Variants in CDYL observed in about 807,000 individuals in gnomAD.
CDYL encodes the protein chromodomain Y like, also known as chromodomain Y-like protein.
Under a neutral mutation model 47.3 loss-of-function variants are expected in CDYL, and 8 were observed. The ratio of observed to expected loss-of-function variants is 0.17; its 90% CI spans 0.10 to 0.31. CDYL has a LOEUF of 0.31. Ranked by LOEUF, CDYL falls within the 10% of genes least tolerant of loss-of-function variation. The pLI, the probability that CDYL is intolerant of heterozygous loss-of-function variation, is 1.00. For synonymous variants in CDYL, 266 were observed against 265.0 expected, an observed-to-expected ratio of 1.00 and a Z score of -0.04; for missense variants, 471 against 701.4, an observed-to-expected ratio of 0.67 and a Z score of 3.71.
In CDYL at chr6:4,926,824, A is replaced by T. The variant is rs75777319; in HGVS notation, c.692-8691A>T. 2.1e-5 allele frequency among the ~76,000 whole-genome samples: 3 copies of T among 143,292 alleles called. No individual in the cohort carries two copies. The East Asian group carries it at 6.2e-4, about 30-fold the overall frequency. 94.0% of individuals were successfully genotyped at this position (143,292 alleles called of 152,430 possible). On this transcript the variant is annotated intron_variant, in intron 2 of 6. Transcript: ENST00000397588. ...ACCCCTTCTGTTATCTTTCATTTTT[A>T]TTTTTTTCATGTATGATTTTGGGGA...
intron 2 of CDYL, among the ~76,000 whole-genome samples, chr6:4,718,796 A>C (rs1365472557): frequency 6.6e-6 from 1 of 152,008 alleles, no homozygotes; most frequent in African/African-American, 2.4e-5. Flanking sequence ...TCGATTATGT[A>C]TCATGGCCTT....
chr6:4,899,306 C>G (rs1302521911), intron 2 of CDYL, among the ~76,000 whole-genome samples: 1 of 152,178 alleles, frequency 6.6e-6, no homozygotes, highest in African/African-American at 2.4e-5. Context: ...GACATATTAA[C>G]AGGAGAAAAG....
intron 2 of CDYL, among the ~76,000 whole-genome samples, chr6:4,923,349 T>C (rs990581097): frequency 6.6e-6 from 1 of 152,196 alleles, no homozygotes; most frequent in African/African-American, 2.4e-5. Flanking sequence ...TTCGTTCACT[T>C]AGCATGATGT....
At chr6:4,782,295 C>T (rs1269754929) in intron 1 of CDYL, among the ~76,000 whole-genome samples, 28 of 152,144 alleles carry the variant, frequency 1.8e-4, no homozygotes, top group Non-Finnish European at 2.9e-5. Context: ...GATTCATTTT[C>T]TGGTCATTAT....
intron 3 of CDYL, among the ~76,000 whole-genome samples, chr6:4,764,978 TTTTA>T (rs1300584280): frequency 2.0e-5 from 3 of 152,206 alleles, no homozygotes; most frequent in Non-Finnish European, 4.4e-5. Flanking sequence ...TGTTAACAAA[TTTTA>T]AAGGATTGAA....
At chr6:4,772,571 A>C (rs974604608), upstream of CDYL, among the ~76,000 whole-genome samples, 1 of 152,214 alleles carries the variant, frequency 6.6e-6, no homozygotes, top group African/African-American at 2.4e-5. Context: ...TTTGGGTCTC[A>C]GGTTTAAAAT....
At chr6:4,900,791 A>G (rs866345170) in intron 2 of CDYL, among the ~76,000 whole-genome samples, 7,134 of 43,702 alleles carry the variant, frequency 0.16, 1,619 homozygotes, top group East Asian at 0.27. Context: ...ATATATATAT[A>G]TATATATATA....
chr6:4,939,879 C>T (rs1220487945), intron 4 of CDYL, among the ~76,000 whole-genome samples: 2 of 152,214 alleles, frequency 1.3e-5, no homozygotes, highest in Admixed American at 1.3e-4. Flanking sequence ...TTTTTGGTAG[C>T]TCTGCGGTCA....
intron 2 of CDYL, among the ~76,000 whole-genome samples, chr6:4,725,310 G>T (rs534005499): frequency 6.6e-6 from 1 of 152,268 alleles, no homozygotes; most frequent in Non-Finnish European, 1.5e-5. Context: ...CTGCCTGCCA[G>T]TCCTGCGCCT....
At chr6:4,862,943 A>G (rs1761214840) in intron 1 of CDYL, among the ~76,000 whole-genome samples, 1 of 152,228 alleles carries the variant, frequency 6.6e-6, no homozygotes, top group Admixed American at 6.5e-5. Context: ...AAAATCATGG[A>G]ATCTACTTAA....
intron 1 of CDYL, among the ~76,000 whole-genome samples, chr6:4,883,931 T>C (rs927084191): frequency 1.3e-5 from 2 of 152,078 alleles, no homozygotes; most frequent in Non-Finnish European, 2.9e-5. Context: ...AGTGGCAAAC[T>C]CTCCAAAATG....
chr6:4,769,898 G>T (rs899125716), intron 3 of CDYL, among the ~76,000 whole-genome samples: 2 of 152,054 alleles, frequency 1.3e-5, no homozygotes, highest in Non-Finnish European at 2.9e-5. Context: ...CAGGGTTCAC[G>T]CCATTCTCCT....
chr6:4,929,687 T>C (rs1341095), intron 2 of CDYL, among the ~76,000 whole-genome samples: 146,196 of 152,270 alleles, frequency 0.96, 70,353 homozygotes, highest in East Asian at 1. Flanking sequence ...TGGTTCAACA[T>C]ATTCAATGAA....
intron 1 of CDYL, among the ~76,000 whole-genome samples, chr6:4,878,553 T>TGAATTA: frequency 6.6e-6 from 1 of 152,184 alleles, no homozygotes; most frequent in Admixed American, 6.5e-5. Context: ...CATGTCTACT[T>TGAATTA]TTACGATGAT....
intron 1 of CDYL, among the ~76,000 whole-genome samples, chr6:4,801,791 A>C (rs966069788): frequency 6.6e-6 from 1 of 152,166 alleles, no homozygotes; most frequent in Non-Finnish European, 1.5e-5. Context: ...ATGCCGCCCT[A>C]GCTTGAGCAT....
chr6:4,815,134 T>C (rs1024854335), intron 1 of CDYL, among the ~76,000 whole-genome samples: 4 of 152,194 alleles, frequency 2.6e-5, no homozygotes, highest in Admixed American at 2.0e-4. Flanking sequence ...TAATAACAAA[T>C]ACTTACAGAT....
At chr6:4,712,274 G>C (rs1176513287) in intron 1 of CDYL, among the ~76,000 whole-genome samples, 3 of 152,170 alleles carry the variant, frequency 2.0e-5, no homozygotes, top group Non-Finnish European at 4.4e-5. Context: ...CTGCACTCCA[G>C]CAATAATCCC....
intron 1 of CDYL, among the ~76,000 whole-genome samples, chr6:4,788,203 T>C (rs1342353107): frequency 2.0e-5 from 3 of 151,906 alleles, no homozygotes; most frequent in African/African-American, 7.3e-5. Context: ...TAAAAAGGCT[T>C]TTCAGGCTGG....
chr6:4,941,557 C>G (rs889948226), intron 4 of CDYL, among the ~76,000 whole-genome samples: 1 of 152,190 alleles, frequency 6.6e-6, no homozygotes, highest in African/African-American at 2.4e-5. Flanking sequence ...GAAAGAGCCA[C>G]CAGCTTCAGG....
Sources: allele counts gnomAD v4.1 joint callset (sites outside exome capture counted in the v4.1 genomes callset), GRCh38; gene constraint gnomAD v4.1.1; transcripts MANE v1.5; gene names NCBI Gene and HGNC (gene_info 2026-07-23, HGNC 2026-07-21).